ATP8B1: variants seen among roughly 807,000 people sequenced by gnomAD.
ATP8B1 encodes phospholipid-transporting ATPase IC.
A neutral mutation model predicts 149.9 loss-of-function variants in ATP8B1; 80 were observed. The observed-to-expected ratio is 0.53, with a 90% CI of 0.45 to 0.64. The LOEUF is 0.64. Among genes scored for constraint, ATP8B1 ranks in the 30% least tolerant of loss-of-function variants. The pLI, the probability that ATP8B1 is intolerant of heterozygous loss-of-function variation, is 0.00. For missense variants in ATP8B1, 1,247 were observed against 1,552.6 expected (o/e 0.80, Z 3.31); for synonymous variants, 536 against 562.8 (o/e 0.95, Z 0.67).
chr18:57,648,831 T>C (rs1599061530), intron 27 of ATP8B1, 119 bp from the exon 28 acceptor site: 2 of 900,504 alleles, frequency 2.2e-6, no homozygotes, highest in Non-Finnish European at 3.4e-6. Context: ...CCCATTTTGA[T>C]GCAGGCAGTT....
chr18:57,771,751 A>T (rs925513635), intron 1 of ATP8B1, among the ~76,000 whole-genome samples: 1 of 152,180 alleles, frequency 6.6e-6, no homozygotes, highest in African/African-American at 2.4e-5. Context: ...GGCACCATCA[A>T]TATAAATTAG....
At chr18:57,704,837 G>A (rs998505768) in intron 3 of ATP8B1, among the ~76,000 whole-genome samples, 169 bp from the exon 4 acceptor site, 1 of 152,112 alleles carries the variant, frequency 6.6e-6, no homozygotes, top group African/African-American at 2.4e-5. Context: ...CAATCCCAGC[G>A]CTTTGGGAGA....
At chr18:57,789,640 T>C (rs1436041055) in intron 1 of ATP8B1, among the ~76,000 whole-genome samples, 1 of 152,174 alleles carries the variant, frequency 6.6e-6, no homozygotes, top group African/African-American at 2.4e-5. Flanking sequence ...AAAGCGCCCC[T>C]TTCCCACATC....
chr18:57,761,145 A>G (rs976007810), intron 1 of ATP8B1, among the ~76,000 whole-genome samples: 1 of 148,822 alleles, frequency 6.7e-6, no homozygotes, highest in Non-Finnish European at 1.5e-5. Context: ...AAAATAAAAT[A>G]AAATAAAGAA....
At chr18:57,764,383 TTC>T (rs1381854548) in intron 1 of ATP8B1, among the ~76,000 whole-genome samples, 1 of 148,148 alleles carries the variant, frequency 6.8e-6, no homozygotes, top group Non-Finnish European at 1.5e-5. Flanking sequence ...CTTTCTCTTT[TTC>T]TCTCTTTCTC....
chr18:57,785,457 T>C lies in ATP8B1; in HGVS notation c.-26+17541A>G, dbSNP rs999772324. Among the ~76,000 whole-genome samples, 15 of 152,358 alleles carry C rather than the reference T, an allele frequency of 9.8e-5. No individual in the cohort carries two copies. In the East Asian group the frequency reaches 2.3e-3, roughly 23 times the overall value. On this transcript the variant is annotated intron_variant, in intron 1 of 27. Transcript: ENST00000648908. ...TATGGCAGTAAGTATCAAAAGTTAG[T>C]GCAAAAATCTTTAAATATCTATTTT...
At chr18:57,713,236 C>CTTTCT (rs1568207620) in intron 2 of ATP8B1, among the ~76,000 whole-genome samples, 11 of 100,210 alleles carry the variant, frequency 1.1e-4, no homozygotes, top group African/African-American at 2.5e-4. Context: ...TCCTTCCTTC[C>CTTTCT]TTCCTTCTTT....
At chr18:57,649,196 A>ATCTATCTATCTATCTGTCTATCTATCTG (rs1209819068) in intron 27 of ATP8B1, among the ~76,000 whole-genome samples, 20 of 151,888 alleles carry the variant, frequency 1.3e-4, no homozygotes, top group Non-Finnish European at 1.9e-4. Flanking sequence ...GGCTATATCT[A>ATCTATCTATCTATCTGTCTATCTATCTG]TCTATCTATC....
chr18:57,665,957 A>C (rs1440663392), intron 20 of ATP8B1, among the ~76,000 whole-genome samples: 1 of 152,162 alleles, frequency 6.6e-6, no homozygotes, highest in East Asian at 1.9e-4. Flanking sequence ...TTAGATCATA[A>C]GGCTACTGAT....
intron 20 of ATP8B1, among the ~76,000 whole-genome samples, 159 bp downstream of exon 20, chr18:57,666,933 G>C (rs1237373475): frequency 6.6e-6 from 1 of 152,146 alleles, no homozygotes; most frequent in African/African-American, 2.4e-5. Flanking sequence ...TGATTACTTG[G>C]AACTGCCTGT....
chr18:57,785,466 C>T (rs1599236984), intron 1 of ATP8B1, among the ~76,000 whole-genome samples: 1 of 152,166 alleles, frequency 6.6e-6, no homozygotes, highest in South Asian at 2.1e-4. Flanking sequence ...GTGCAAAAAT[C>T]TTTAAATATC....
intron 1 of ATP8B1, among the ~76,000 whole-genome samples, chr18:57,770,586 C>T: frequency 6.6e-6 from 1 of 152,214 alleles, no homozygotes; most frequent in Non-Finnish European, 1.5e-5. Flanking sequence ...GAGGCAGGAG[C>T]TCCAGATGGG....
At chr18:57,667,528 C>T (rs532320248) in intron 19 of ATP8B1, 88 of 248,828 alleles carry the variant, frequency 3.5e-4, no homozygotes, top group African/African-American at 1.8e-3. Context: ...CACAAACACA[C>T]TATTTTTCTA....
chr18:57,790,635 C>G (rs988884329), intron 1 of ATP8B1, among the ~76,000 whole-genome samples: 1 of 152,100 alleles, frequency 6.6e-6, no homozygotes, highest in Non-Finnish European at 1.5e-5. Context: ...TAAGTATAAC[C>G]TCCTTCAAGA....
chr18:57,699,975 TG>T (rs1913039469), intron 6 of ATP8B1, among the ~76,000 whole-genome samples: 1 of 152,158 alleles, frequency 6.6e-6, no homozygotes, highest in Non-Finnish European at 1.5e-5. Context: ...GCCCCTGCAG[TG>T]GGGTCACACC....
At chr18:57,735,932 C>T (rs1175292378) in intron 1 of ATP8B1, among the ~76,000 whole-genome samples, 1 of 152,094 alleles carries the variant, frequency 6.6e-6, no homozygotes, top group Non-Finnish European at 1.5e-5. Context: ...GCCCTGCATG[C>T]ATTAGGTATT....
intron 1 of ATP8B1, among the ~76,000 whole-genome samples, chr18:57,745,628 G>A (rs997769558): frequency 6.6e-6 from 1 of 150,430 alleles, no homozygotes; most frequent in African/African-American, 2.5e-5. Flanking sequence ...AACCACATGA[G>A]TGTCCAACAA....
intron 2 of ATP8B1, among the ~76,000 whole-genome samples, chr18:57,708,257 C>T (rs1423915525): frequency 6.7e-6 from 1 of 149,474 alleles, no homozygotes; most frequent in Non-Finnish European, 1.5e-5. Context: ...CACTATTGAA[C>T]ATTTTTCTCG....
intron 2 of ATP8B1, among the ~76,000 whole-genome samples, chr18:57,725,239 C>A: frequency 1.3e-5 from 1 of 75,666 alleles, no homozygotes. Context: ...TACCCTAAAA[C>A]TTAAAGTATA....
Sources: gnomAD v4.1 joint callset for allele counts (sites outside exome capture counted in the v4.1 genomes callset) on GRCh38, gnomAD v4.1.1 for gene constraint, MANE v1.5 for transcripts, NCBI Gene and HGNC (gene_info 2026-07-23, HGNC 2026-07-21) for gene names.